The following EPHA6 variants were observed in gnomAD, a reference collection of about 807,000 sequenced individuals.
EPHA6 encodes ephrin type-A receptor 6.
EPHA6 carries 50 observed loss-of-function variants against 112.0 expected under a neutral mutation model. That is an observed-to-expected ratio of 0.45 (90% CI 0.36 to 0.56). The LOEUF (loss-of-function observed/expected upper bound fraction) is 0.56. Among genes scored for constraint, EPHA6 ranks in the 20% least tolerant of loss-of-function variants. The probability of loss-of-function intolerance (pLI) is 0.00; values close to 1 mark genes in which losing one functional copy is unlikely to be tolerated. For missense variants in EPHA6, 1,280 were observed against 1,417.4 expected, an observed-to-expected ratio of 0.90 and a Z score of 1.56; for synonymous variants, 529 against 490.7, an observed-to-expected ratio of 1.08 and a Z score of -1.03.
intron 16 of EPHA6, among the ~76,000 whole-genome samples, chr3:97,747,056 A>T (rs576346826): frequency 6.6e-6 from 1 of 151,856 alleles, no homozygotes; most frequent in Admixed American, 6.6e-5. Context: ...GGGATGGGCT[A>T]TTCCTTAAGT....
chr3:97,214,490 A>G (rs1184761307), intron 3 of EPHA6, among the ~76,000 whole-genome samples: 1 of 151,442 alleles, frequency 6.6e-6, no homozygotes, highest in African/African-American at 2.4e-5. Flanking sequence ...TCAAAAAAAA[A>G]AAAAAAAAAG....
At chr3:96,927,133 C>T (rs1052560061) in intron 2 of EPHA6, among the ~76,000 whole-genome samples, 10 of 152,322 alleles carry the variant, frequency 6.6e-5, no homozygotes, top group South Asian at 2.1e-4. Flanking sequence ...ACATGTAAGC[C>T]GGCAAGGCTT....
At chr3:97,117,201 A>G (rs2047913106) in intron 3 of EPHA6, among the ~76,000 whole-genome samples, 2 of 151,706 alleles carry the variant, frequency 1.3e-5, no homozygotes, top group South Asian at 4.1e-4. Flanking sequence ...GAGTTGTTTA[A>G]GTTCCTAGAT....
chr3:97,192,684 C>G (rs1415756287), intron 3 of EPHA6, among the ~76,000 whole-genome samples: 1 of 152,032 alleles, frequency 6.6e-6, no homozygotes. Flanking sequence ...TGGGGTATTA[C>G]TCAAGAAATT....
chr3:96,970,683 T>G (rs1433647601), intron 2 of EPHA6, among the ~76,000 whole-genome samples: 1 of 152,112 alleles, frequency 6.6e-6, no homozygotes, highest in Non-Finnish European at 1.5e-5. Context: ...TGTGGGAAGC[T>G]CTATGATGAA....
At chr3:97,170,294 T>A (rs542701975) in intron 3 of EPHA6, among the ~76,000 whole-genome samples, 1 of 152,110 alleles carries the variant, frequency 6.6e-6, no homozygotes, top group East Asian at 1.9e-4. Flanking sequence ...GTACACAAAA[T>A]TGAATCAAGA....
intron 3 of EPHA6, among the ~76,000 whole-genome samples, chr3:97,033,567 A>T (rs151139258): frequency 6.6e-6 from 1 of 151,968 alleles, no homozygotes; most frequent in Non-Finnish European, 1.5e-5. Context: ...TAGCTGTATG[A>T]TAGTGTTTGG....
chr3:97,141,269 T>C (rs965216454), intron 3 of EPHA6, among the ~76,000 whole-genome samples: 1 of 151,968 alleles, frequency 6.6e-6, no homozygotes, highest in African/African-American at 2.4e-5. Flanking sequence ...ACTGGAGAGA[T>C]CCTCAAAGCA....
intron 12 of EPHA6, among the ~76,000 whole-genome samples, chr3:97,598,747 G>T (rs1056137442): frequency 1.3e-5 from 2 of 151,272 alleles, no homozygotes; most frequent in African/African-American, 2.4e-5. Context: ...TGTCTTTATA[G>T]CAGCATGATT....
chr3:97,315,332 G>T (rs746510865), intron 5 of EPHA6, among the ~76,000 whole-genome samples: 1 of 151,636 alleles, frequency 6.6e-6, no homozygotes, highest in Non-Finnish European at 1.5e-5. Flanking sequence ...ACAGCAATAT[G>T]CCTGTTGAAT....
rs547121526 is a variant in EPHA6, at chr3:97,642,194, C to T, written c.2784+4112C>T. Among the ~76,000 whole-genome samples, 74 of 102,696 alleles carry T rather than the reference C, an allele frequency of 7.2e-4. 4 individuals are homozygous for T. Among genetic ancestry groups the T allele is most frequent in the South Asian group, 4.8e-3 (14 of 2,932 alleles). The allele number at this position is 102,696 out of a possible 152,430, so 67.4% of individuals were successfully genotyped here. A position where few individuals can be genotyped will look rare whatever the true frequency, so the allele number is the denominator to read the frequency against. On this transcript the variant is annotated intron_variant, in intron 14 of 17. Coordinates refer to ENST00000389672, the MANE Select transcript of EPHA6 (RefSeq NM_001080448.3). ...AGCAGGGGCACACTGACACCTCACA[C>T]GGCAGGGTATTCCAACAGACCTGCA...
intron 3 of EPHA6, among the ~76,000 whole-genome samples, chr3:97,063,623 A>C (rs1413041919): frequency 2.0e-5 from 3 of 152,150 alleles, no homozygotes; most frequent in African/African-American, 7.2e-5. Flanking sequence ...TGATGGGTTG[A>C]TAGTGCAGCA....
chr3:97,388,215 C>G (rs2086185283), intron 5 of EPHA6, among the ~76,000 whole-genome samples: 1 of 152,124 alleles, frequency 6.6e-6, no homozygotes, highest in Non-Finnish European at 1.5e-5. Context: ...GTCAGTCTTT[C>G]TCATTAAAAC....
chr3:97,055,362 A>T (rs2108100501), intron 3 of EPHA6, among the ~76,000 whole-genome samples: 1 of 152,272 alleles, frequency 6.6e-6, no homozygotes, highest in African/African-American at 2.4e-5. Flanking sequence ...AAAGAATAAA[A>T]GAATGCCCCT....
intron 6 of EPHA6, among the ~76,000 whole-genome samples, chr3:97,446,259 A>C (rs568428652): frequency 6.6e-6 from 1 of 152,210 alleles, no homozygotes; most frequent in South Asian, 2.1e-4. Flanking sequence ...AAGCTGTAAG[A>C]CGTAAGACAA....
chr3:97,576,653 T>C (rs576580829), intron 11 of EPHA6, among the ~76,000 whole-genome samples: 35 of 152,354 alleles, frequency 2.3e-4, no homozygotes, highest in Admixed American at 6.5e-4. Flanking sequence ...CTATAGACTT[T>C]GTTTTACTGT....
intron 3 of EPHA6, among the ~76,000 whole-genome samples, chr3:97,200,742 T>C (rs1038517424): frequency 6.6e-6 from 1 of 152,064 alleles, no homozygotes; most frequent in African/African-American, 2.4e-5. Flanking sequence ...GTATTAGGAA[T>C]AAGAGGATGC....
chr3:97,500,629 A>G (rs1577589607), intron 10 of EPHA6, among the ~76,000 whole-genome samples: 2 of 152,290 alleles, frequency 1.3e-5, no homozygotes, highest in East Asian at 3.9e-4. Flanking sequence ...ATCTGGATGG[A>G]GAGACAGATC....
intron 1 of EPHA6, among the ~76,000 whole-genome samples, chr3:96,817,248 A>T (rs1013401726): frequency 6.6e-5 from 10 of 151,898 alleles, no homozygotes; most frequent in African/African-American, 2.2e-4. Context: ...GTGAGTAGAA[A>T]TTTTTCCTGA....
Sources: allele counts gnomAD v4.1 joint callset (sites outside exome capture counted in the v4.1 genomes callset), GRCh38; gene constraint gnomAD v4.1.1; transcripts MANE v1.5; gene names NCBI Gene and HGNC (gene_info 2026-07-23, HGNC 2026-07-21).